Variants in ZNF831 observed in about 807,000 individuals in gnomAD.
ZNF831 encodes zinc finger protein 831.
Under a neutral mutation model 95.8 loss-of-function variants are expected in ZNF831, and 59 were observed. The ratio of observed to expected loss-of-function variants is 0.62; its 90% CI spans 0.50 to 0.77. ZNF831 has a LOEUF of 0.77. Among genes scored for constraint, ZNF831 ranks in the 30% least tolerant of loss-of-function variants. The pLI is 0.00. For missense variants in ZNF831, 2,205 were observed against 2,164.0 expected, an observed-to-expected ratio of 1.02 and a Z score of -0.38; for synonymous variants, 961 against 925.5, an observed-to-expected ratio of 1.04 and a Z score of -0.70.
rs117034690 is a variant in ZNF831 at position 59,179,827 on chromosome 20, C to T, written c.-36-11157C>T. ...CTATTTCCAAATAAGGTCCCAATCG[C>T]AGGTAGTAGGGGCAGGACTTGGATG... On this transcript the variant is annotated intron_variant, in intron 1 of 5. Transcript: ENST00000371030. 1.3e-3 allele frequency among the ~76,000 whole-genome samples: 196 copies of T among 152,220 alleles called. 2 individuals carry two copies. The East Asian group carries it at 0.035, about 27-fold the overall frequency.
Position 59,200,503 on chromosome 20 carries a change from A to G in ZNF831, c.3875+4498A>G, listed in dbSNP as rs905518548. 3.9e-5 allele frequency among the ~76,000 whole-genome samples: 6 copies of G among 152,310 alleles called. No homozygotes were observed. The South Asian group carries it at 1.0e-3, about 26-fold the overall frequency. On this transcript the variant is annotated intron_variant, in intron 3 of 5. Transcript: ENST00000371030. ...AATTAAATTTTAATAAATTGCACAT[A>G]TTTAAAACATACAATTAAATAAATT... is the stretch of plus-strand genomic sequence containing the variant.
chr20:59,214,621 G>A (rs753181841), intron 4 of ZNF831, among the ~76,000 whole-genome samples: 4 of 152,174 alleles, frequency 2.6e-5, no homozygotes, highest in East Asian at 1.9e-4. Context: ...GACAAGCTTC[G>A]CATGTATGTG....
intron 1 of ZNF831, among the ~76,000 whole-genome samples, chr20:59,166,909 G>A (rs1981313425): frequency 6.6e-6 from 1 of 152,202 alleles, no homozygotes; most frequent in African/African-American, 2.4e-5. Context: ...AAGCTTTTGT[G>A]TGAACGTAAG....
At chr20:59,222,850 G>A (rs1056789284) in intron 4 of ZNF831, among the ~76,000 whole-genome samples, 5 of 152,216 alleles carry the variant, frequency 3.3e-5, no homozygotes, top group Non-Finnish European at 7.3e-5. Context: ...TTTATTTTAT[G>A]TTCGTAGGGG....
At position 59,192,030 on chromosome 20, in the gene ZNF831, GA is replaced by G; in HGVS notation, c.1013del (p.Lys338SerfsTer196). The G allele has an allele frequency of 6.2e-7, 1 of 1,609,166 alleles. No individual in the cohort carries two copies. Among genetic ancestry groups the G allele is most frequent in the Non-Finnish European group, 8.5e-7 (1 of 1,179,264 alleles). ...CCAAGGCCCCCGAGGGCCGGCTGCG[GA>G]AGTGTGAGAGCACCGACTCGGGGTA... The part of the protein sequence containing the change: ...DAKAPEGRLR[K>X]CESTDSGYLS... On this transcript the variant is annotated frameshift_variant, in exon 2 of 6. Transcript: ENST00000371030. LOFTEE classifies it high-confidence loss of function. The surrounding 1 kb of genome is among the most constrained non-coding windows in gnomAD (Gnocchi z 5.2).
chr20:59,137,334 G>T (rs1265306143), intron 1 of ZNF831, among the ~76,000 whole-genome samples: 3 of 148,696 alleles, frequency 2.0e-5, no homozygotes, highest in Non-Finnish European at 3.0e-5. Context: ...AAAATACCTT[G>T]CCTTTCTCAC....
At chr20:59,249,880 T>C (rs1019315648) in intron 4 of ZNF831, among the ~76,000 whole-genome samples, 1 of 152,144 alleles carries the variant, frequency 6.6e-6, no homozygotes. Flanking sequence ...GTTTTTAATA[T>C]ATAAGCTCAC....
intron 4 of ZNF831, among the ~76,000 whole-genome samples, chr20:59,211,728 C>A (rs1051357138): frequency 1.3e-5 from 2 of 151,842 alleles, no homozygotes; most frequent in Admixed American, 6.6e-5. Flanking sequence ...TTTGACCTGG[C>A]GCGTCCTGGA....
At chr20:59,130,641 G>A (rs781723077) in intron 1 of ZNF831, among the ~76,000 whole-genome samples, 2 of 152,198 alleles carry the variant, frequency 1.3e-5, no homozygotes, top group African/African-American at 2.4e-5. Flanking sequence ...GGTGGCGCTT[G>A]ATGGTGATGT....
chr20:59,213,910 G>A (rs1985509056), intron 4 of ZNF831, among the ~76,000 whole-genome samples: 1 of 152,092 alleles, frequency 6.6e-6, no homozygotes, highest in South Asian at 2.1e-4. Flanking sequence ...TTAACCTGAC[G>A]TCCTCTCTCT....
chr20:59,148,299 C>A (rs1315635384), intron 2 of ZNF831, among the ~76,000 whole-genome samples: 3 of 152,082 alleles, frequency 2.0e-5, no homozygotes, highest in Non-Finnish European at 4.4e-5. Flanking sequence ...CCAAGGGGTG[C>A]ACATGAGCTC....
chr20:59,243,411 T>C (rs1002647904), intron 4 of ZNF831, among the ~76,000 whole-genome samples: 9 of 152,252 alleles, frequency 5.9e-5, no homozygotes, highest in African/African-American at 2.2e-4. Flanking sequence ...GACGTAATTC[T>C]CTGAAATCAA....
In ZNF831 at chr20:59,169,448, T is replaced by C. The variant is rs1186867862; in HGVS notation, c.-37+5241T>C. Among the ~76,000 whole-genome samples, 1 of 152,202 alleles carries C rather than the reference T, an allele frequency of 6.6e-6. No homozygotes were observed. Among genetic ancestry groups the C allele is most frequent in the African/African-American group, 2.4e-5 (1 of 41,464 alleles). Reference sequence around the variant, plus strand: ...TTTGTGTCTTCTCTCATTTGTCCTTTGTCAGTTTTTGTAGAGATTCTAAAG... The same window carrying C: ...TTTGTGTCTTCTCTCATTTGTCCTTCGTCAGTTTTTGTAGAGATTCTAAAG... On this transcript the variant is annotated intron_variant, in intron 1 of 5. Transcript: ENST00000371030. This position sits in a 1 kb window ranked among gnomAD's most constrained non-coding sequence, Gnocchi z 4.1.
At chr20:59,170,496 A>T (rs1473928396) in intron 1 of ZNF831, among the ~76,000 whole-genome samples, 1 of 152,178 alleles carries the variant, frequency 6.6e-6, no homozygotes, top group African/African-American at 2.4e-5. Context: ...GTCAGAGAAC[A>T]TGCTTTGTAT....
At chr20:59,211,978 TG>T in intron 4 of ZNF831, among the ~76,000 whole-genome samples, 1 of 152,048 alleles carries the variant, frequency 6.6e-6, no homozygotes, top group East Asian at 1.9e-4. Flanking sequence ...TAGGTGGAGG[TG>T]GGTGGGATTT....
intron 4 of ZNF831, among the ~76,000 whole-genome samples, chr20:59,236,994 G>A (rs1386630088): frequency 6.6e-6 from 1 of 152,036 alleles, no homozygotes; most frequent in Non-Finnish European, 1.5e-5. Context: ...GGAACTCCAG[G>A]ACGCATTTCC....
rs2146591019 is a variant in ZNF831 at position 59,193,893 on chromosome 20, G to T, written c.2874G>T (p.Trp958Cys). Reference protein sequence around the residue: ...AETPLPLPIPWGPRHSQDSLC... With the variant: ...AETPLPLPIPCGPRHSQDSLC... Reference sequence around the variant, plus strand: ...CCCCCTTACCACTGCCCATTCCCTGGGGACCAAGGCACAGCCAGGACTCTC... The same window carrying T: ...CCCCCTTACCACTGCCCATTCCCTGTGGACCAAGGCACAGCCAGGACTCTC... Residue 958 changes from tryptophan (W) to cysteine (C), a missense_variant, in exon 2 of 6, where the codon TGG (tryptophan) becomes TGT (cysteine). By Grantham distance (215) the Trp-to-Cys change is radical. Coordinates refer to ENST00000371030, the MANE Select transcript of ZNF831 (RefSeq NM_178457.3). 3 of 1,607,122 alleles carry T rather than the reference G, an allele frequency of 1.9e-6. No individual in the cohort carries two copies. Among genetic ancestry groups the T allele is most frequent in the Non-Finnish European group, 2.5e-6 (3 of 1,176,732 alleles).
rs375833789 is a variant in ZNF831, at chr20:59,191,224, G to C, written c.205G>C (p.Gly69Arg). The change falls in exon 2 of 6, where the codon GGG (glycine) becomes CGG (arginine). Residue 69 changes from glycine (G) to arginine (R), a missense_variant. Physicochemically the swap from Gly to Arg is moderately radical, Grantham distance 125 (BLOSUM62 -2). Coordinates refer to ENST00000371030, the MANE Select transcript of ZNF831 (RefSeq NM_178457.3). ...PIPLYHTVPP[G>R]GLQPRAPLVT... ...CCCACTGTACCACACGGTGCCTCCC[G>C]GGGGCCTCCAGCCCCGCGCCCCGCT... The C allele has an allele frequency of 1.9e-6, 3 of 1,554,444 alleles. No homozygotes were observed. Among genetic ancestry groups the C allele is most frequent in the South Asian group, 1.2e-5 (1 of 82,972 alleles).
chr20:59,250,206 A>C (rs1294315262), intron 4 of ZNF831, among the ~76,000 whole-genome samples: 2 of 152,210 alleles, frequency 1.3e-5, no homozygotes, highest in African/African-American at 2.4e-5. Flanking sequence ...TGGCATAATT[A>C]GTTCAGCAGG....
Sources: allele counts gnomAD v4.1 joint callset (sites outside exome capture counted in the v4.1 genomes callset), GRCh38; gene constraint gnomAD v4.1.1; non-coding constraint Gnocchi (gnomAD v3.1); transcripts MANE v1.5; gene names NCBI Gene and HGNC (gene_info 2026-07-23, HGNC 2026-07-21).